Variants in SYNE1 observed in about 807,000 individuals in gnomAD.
SYNE1 encodes the protein nesprin-1.
In SYNE1, 616 loss-of-function variants were observed where a neutral mutation model predicts 1,111.0. The ratio of observed to expected loss-of-function variants is 0.55; its 90% CI spans 0.52 to 0.59. The LOEUF (loss-of-function observed/expected upper bound fraction) is 0.59, where lower values mean the gene tolerates loss of function less well. SYNE1 is among the 20% of genes least tolerant of loss of function. SYNE1 has a pLI of 0.00. For synonymous variants in SYNE1, 3,855 were observed against 3,825.8 expected (o/e 1.01, Z -0.28); for missense variants, 10,006 against 10,417.0 (o/e 0.96, Z 1.72).
chr6:152,305,563 C>T (rs750954878), intron 91 of SYNE1, among the ~76,000 whole-genome samples: 4 of 151,882 alleles, frequency 2.6e-5, no homozygotes, highest in African/African-American at 4.8e-5. Context: ...CACACCTGGC[C>T]GAAAAATTAT....
chr6:152,388,999 T>C (rs1426618421), intron 53 of SYNE1, among the ~76,000 whole-genome samples: 1 of 152,116 alleles, frequency 6.6e-6, no homozygotes, highest in Non-Finnish European at 1.5e-5. Flanking sequence ...CCATTGTGAG[T>C]TATTACTAAG....
intron 126 of SYNE1, 83 bp from the exon 127 acceptor site, chr6:152,202,032 C>A: frequency 6.6e-7 from 1 of 1,521,540 alleles, no homozygotes; most frequent in African/African-American, 1.4e-5. Flanking sequence ...CACTCTTCTT[C>A]ATTCCCAGAG....
intron 19 of SYNE1, among the ~76,000 whole-genome samples, 161 bp from the exon 20 acceptor site, chr6:152,463,051 T>C (rs1048007038): frequency 1.3e-5 from 2 of 152,082 alleles, no homozygotes; most frequent in Admixed American, 6.6e-5. Context: ...GTCCAATTAG[T>C]TTGAAAGAAA....
At position 152,466,006 on chromosome 6, in the gene SYNE1, T is replaced by C. The variant is rs751334323; in HGVS notation, c.1705A>G (p.Met569Val). The change falls in exon 17 of 146, where the codon ATG (methionine) becomes GTG (valine). Residue 569 changes from methionine to valine, a missense_variant. By Grantham distance (21) the Met-to-Val change is conservative. This residue lies in a region of SYNE1 where 1,971 missense variants were observed against 2,084.1 expected (regional missense o/e 0.95). Coordinates refer to ENST00000367255, the MANE Select transcript of SYNE1 (RefSeq NM_182961.4). The stretch of plus-strand genomic sequence containing the variant: ...CCTGAACCATCTGCTTTGACATACA[T>C]CTCAGCTGTCTGTTTCAAGATCTGG... Reference protein sequence around the residue: ...TYQILKQTAEMYVKADGSVEE... With the variant: ...TYQILKQTAEVYVKADGSVEE... The C allele has an allele frequency of 2.5e-6, 4 of 1,612,632 alleles. No homozygotes were observed. In the South Asian group the frequency reaches 3.3e-5, roughly 13 times the overall value.
chr6:152,202,700 T>C (rs982952431), intron 126 of SYNE1, among the ~76,000 whole-genome samples: 3 of 152,094 alleles, frequency 2.0e-5, no homozygotes, highest in Admixed American at 6.6e-5. Flanking sequence ...ATAATCTCAG[T>C]ACCTTGTCTC....
intron 3 of SYNE1, among the ~76,000 whole-genome samples, chr6:152,609,554 TA>T (rs1476876085): frequency 6.6e-6 from 1 of 152,286 alleles, no homozygotes; most frequent in East Asian, 1.9e-4. Context: ...CATAGCTGAA[TA>T]AAAGGCAGCA....
intron 91 of SYNE1, chr6:152,302,272 C>T: frequency 1.5e-6 from 1 of 651,546 alleles, no homozygotes; most frequent in South Asian, 1.8e-5. Context: ...GCCAAAGTGC[C>T]CGAGCCCGCG....
chr6:152,255,457 T>C, intron 103 of SYNE1, 134 bp downstream of exon 103: 1 of 1,089,540 alleles, frequency 9.2e-7, no homozygotes, highest in South Asian at 1.3e-5. Flanking sequence ...ATATTCTGCA[T>C]TTAAGCAATT....
intron 127 of SYNE1, among the ~76,000 whole-genome samples, chr6:152,190,565 T>C (rs1421841477): frequency 6.6e-6 from 1 of 152,248 alleles, no homozygotes; most frequent in African/African-American, 2.4e-5. Flanking sequence ...GAAGCATTTA[T>C]CCTTTGTGTT....
At chr6:152,324,797 T>C in intron 81 of SYNE1, among the ~76,000 whole-genome samples, 1 of 152,148 alleles carries the variant, frequency 6.6e-6, no homozygotes, top group South Asian at 2.1e-4. Flanking sequence ...GGAGACTCCG[T>C]CAAAAAAAAG....
At position 152,176,553 on chromosome 6, in the gene SYNE1, T is replaced by C; in HGVS notation, c.23468A>G (p.Gln7823Arg). 2 of 1,614,092 alleles carry C rather than the reference T, an allele frequency of 1.2e-6. No individual in the cohort carries two copies. The highest frequency in any genetic ancestry group is 1.7e-6 in the Non-Finnish European group (2 of 1,179,948). ...CTCTTGAGCAATAGCAATTTCCTCT[T>C]GATAATCCTGTGTAATAAATAGCAA... Reference protein sequence around the residue: ...EMIEKLKKDYQEEIAIAQENK... With the variant: ...EMIEKLKKDYREEIAIAQENK... The change falls in exon 130 of 146, where the codon CAA becomes CGA. Residue 7823 changes from glutamine (Q) to arginine (R), a missense_variant. This residue lies in a region of SYNE1 where 2,182 missense variants were observed against 2,287.8 expected (regional missense o/e 0.95). Transcript: ENST00000367255.
chr6:152,356,932 A>G (rs1212325019), intron 66 of SYNE1, among the ~76,000 whole-genome samples: 1 of 152,226 alleles, frequency 6.6e-6, no homozygotes, highest in Non-Finnish European at 1.5e-5. Context: ...ACACAAAAGC[A>G]CAGGGAGCTC....
At chr6:152,352,421 G>A in intron 69 of SYNE1, 68 bp from the exon 70 acceptor site, 1 of 1,068,266 alleles carries the variant, frequency 9.4e-7, no homozygotes, top group Non-Finnish European at 1.3e-6. Flanking sequence ...TTTTTTTTTT[G>A]AGATGGAGTT....
chr6:152,511,194 T>C lies in SYNE1; in HGVS notation c.310-91A>G, dbSNP rs766061611. On this transcript the variant is annotated intron_variant, in intron 6 of 145. Coordinates refer to ENST00000367255, the MANE Select transcript of SYNE1 (RefSeq NM_182961.4). ...CAATTAGGCCTTTAGTAGACATCAA[T>C]AAGATTTGATCATGCCTATGTAATA... 8.6e-5 allele frequency: 97 copies of C among 1,133,618 alleles called. No homozygotes were observed. The East Asian group carries it at 1.0e-3, about 12-fold the overall frequency. The allele number at this position is 1,133,618 out of a possible 1,614,324, so 70.2% of individuals were successfully genotyped here.
chr6:152,560,960 A>G (rs1486023463), intron 3 of SYNE1, among the ~76,000 whole-genome samples: 1 of 152,216 alleles, frequency 6.6e-6, no homozygotes, highest in East Asian at 1.9e-4. Flanking sequence ...CTAATAGTAT[A>G]GTGAATGGTA....
At position 152,472,235 on chromosome 6, in the gene SYNE1, A is replaced by G. The variant is rs1278545703; in HGVS notation, c.1463+66T>C. ...AAAAAAAATCATGAAAAAATAAAAGAAATATAAAAAGCGTCCACCTAGTGT... is the reference window on the plus strand; with the variant it reads ...AAAAAAAATCATGAAAAAATAAAAGGAATATAAAAAGCGTCCACCTAGTGT... On this transcript the variant is annotated intron_variant, in intron 15 of 145. Coordinates refer to ENST00000367255, the MANE Select transcript of SYNE1 (RefSeq NM_182961.4). 8.1e-6 allele frequency: 11 copies of G among 1,358,386 alleles called. No homozygotes were observed. The Admixed American group carries it at 1.8e-4, about 22-fold the overall frequency. The allele number at this position is 1,358,386 out of a possible 1,614,324, so 84.1% of individuals were successfully genotyped here.
chr6:152,332,986 G>A (rs560487634), intron 77 of SYNE1, among the ~76,000 whole-genome samples: 4 of 53,796 alleles, frequency 7.4e-5, no homozygotes, highest in Admixed American at 1.4e-4. Flanking sequence ...TCCCAAAGAC[G>A]AGTAAATGTT....
intron 8 of SYNE1, among the ~76,000 whole-genome samples, chr6:152,506,534 T>C (rs1234198781): frequency 6.6e-6 from 1 of 151,800 alleles, no homozygotes. Context: ...TTATTATTAT[T>C]ATTATCATTA....
chr6:152,326,028 T>G lies in SYNE1; in HGVS notation c.15368A>C (p.Lys5123Thr). 1 of 1,614,172 alleles carries G rather than the reference T, an allele frequency of 6.2e-7. No individual in the cohort carries two copies. Among genetic ancestry groups the G allele is most frequent in the East Asian group, 2.2e-5 (1 of 44,880 alleles). ...VIELMNDTEK[K>T]LSEFSLLKTS... ...CTTCAACAAAGAAAACTCAGACAAT[T>G]TCTTTTCTGTATCATTCATCAATTC... Residue 5123 changes from lysine to threonine, a missense_variant, in exon 80 of 146, where the codon AAA becomes ACA. Physicochemically the swap from Lys to Thr is moderately conservative, Grantham distance 78. Coordinates refer to ENST00000367255, the MANE Select transcript of SYNE1 (RefSeq NM_182961.4).
Sources: gnomAD v4.1 joint callset for allele counts (sites outside exome capture counted in the v4.1 genomes callset) on GRCh38, gnomAD v4.1.1 for gene constraint, gnomAD v4.1.1 regional missense constraint, MANE v1.5 for transcripts, NCBI Gene and HGNC (gene_info 2026-07-23, HGNC 2026-07-21) for gene names.